Variants in ZFAT observed in about 807,000 individuals in gnomAD.
ZFAT encodes the protein zinc finger and AT-hook domain containing.
A neutral mutation model predicts 117.7 loss-of-function variants in ZFAT; 64 were observed. That is an observed-to-expected ratio of 0.54 (90% CI 0.44 to 0.67). The LOEUF is 0.67. Among genes scored for constraint, ZFAT ranks in the 30% least tolerant of loss-of-function variants. ZFAT has a pLI of 0.00. For missense variants in ZFAT, 1,433 were observed against 1,584.5 expected (o/e 0.90, Z 1.62); for synonymous variants, 679 against 615.0 (o/e 1.10, Z -1.54).
chr8:134,486,114 T>C (rs531444371), intron 15 of ZFAT, among the ~76,000 whole-genome samples: 90 of 152,330 alleles, frequency 5.9e-4, no homozygotes, highest in Admixed American at 1.3e-3. Context: ...TAAAACCCGT[T>C]GGCCCTAAAA....
chr8:134,574,182 T>C (rs1195957150), intron 10 of ZFAT, among the ~76,000 whole-genome samples: 1 of 152,206 alleles, frequency 6.6e-6, no homozygotes, highest in Non-Finnish European at 1.5e-5. Flanking sequence ...GGTACCTGCC[T>C]TGCTGAAGCC....
chr8:134,795,311 C>G, the ZFAT span: 3 of 152,106 alleles, frequency 2.0e-5, no homozygotes, highest in Non-Finnish European at 2.9e-5. Context: ...TCCAGGGACA[C>G]GACAGGGCTT....
the ZFAT span, among the ~76,000 whole-genome samples, chr8:134,791,516 T>C: frequency 6.6e-6 from 1 of 152,216 alleles, no homozygotes; most frequent in African/African-American, 2.4e-5. Flanking sequence ...GATTTCCTTT[T>C]TCTTTTGTGG....
intron 10 of ZFAT, among the ~76,000 whole-genome samples, chr8:134,571,584 C>G (rs1215479948): frequency 6.6e-6 from 1 of 151,996 alleles, no homozygotes; most frequent in Non-Finnish European, 1.5e-5. Flanking sequence ...AGAAACCAGG[C>G]AAAAATAGGT....
the ZFAT span, chr8:134,767,175 C>T: frequency 6.6e-6 from 1 of 152,154 alleles, no homozygotes; most frequent in African/African-American, 2.4e-5. Flanking sequence ...TCAATGTGTG[C>T]TTGAAAAGAA....
intron 1 of ZFAT, among the ~76,000 whole-genome samples, chr8:134,683,725 G>A (rs990602535): frequency 1.3e-5 from 2 of 151,956 alleles, no homozygotes; most frequent in African/African-American, 4.8e-5. Context: ...GACAGGAAAT[G>A]GATGCAAGAA....
upstream of ZFAT, chr8:134,713,093 T>G (rs536727944): frequency 6.9e-6 from 3 of 437,496 alleles, no homozygotes; most frequent in Admixed American, 1.4e-4. Flanking sequence ...CCGCTTCGGG[T>G]GACCCTCCCC....
chr8:134,739,060 A>G, the ZFAT span, among the ~76,000 whole-genome samples: 1 of 152,174 alleles, frequency 6.6e-6, no homozygotes, highest in Non-Finnish European at 1.5e-5. Flanking sequence ...GCTTGAGAGG[A>G]CAGAGCTGAG....
At chr8:134,818,820 C>A in the ZFAT span, among the ~76,000 whole-genome samples, 539 of 152,238 alleles carry the variant, frequency 3.5e-3, 8 homozygotes, top group African/African-American at 0.012. Context: ...CCAAATAATG[C>A]TGGGTGAAAG....
chr8:134,752,374 AC>A, the ZFAT span, among the ~76,000 whole-genome samples: 1 of 151,964 alleles, frequency 6.6e-6, no homozygotes, highest in South Asian at 2.1e-4. Context: ...CTCACATGGC[AC>A]CCCCGCCCTT....
chr8:134,825,953 G>A, the ZFAT span, among the ~76,000 whole-genome samples: 1 of 151,564 alleles, frequency 6.6e-6, no homozygotes, highest in African/African-American at 2.4e-5. Flanking sequence ...CCCGAGAGGC[G>A]GAGCTTGCAG....
At chr8:134,653,494 G>C (rs540606401) in intron 2 of ZFAT, among the ~76,000 whole-genome samples, 1 of 143,288 alleles carries the variant, frequency 7.0e-6, no homozygotes, top group East Asian at 2.1e-4. Flanking sequence ...CAAACTCCTG[G>C]GCTCAAGTGA....
At chr8:134,669,027 T>C (rs1240533332) in intron 1 of ZFAT, among the ~76,000 whole-genome samples, 2 of 151,808 alleles carry the variant, frequency 1.3e-5, no homozygotes, top group East Asian at 1.9e-4. Flanking sequence ...ATGAATGAAA[T>C]GAAGTGAGAA....
intron 5 of ZFAT, among the ~76,000 whole-genome samples, chr8:134,606,347 G>A (rs1827887294): frequency 6.6e-6 from 1 of 152,204 alleles, no homozygotes; most frequent in Non-Finnish European, 1.5e-5. Flanking sequence ...ATGAAGTTAT[G>A]CCTTGTTGCT....
intron 9 of ZFAT, among the ~76,000 whole-genome samples, chr8:134,587,819 C>A (rs1039011067): frequency 5.9e-5 from 9 of 152,214 alleles, no homozygotes; most frequent in African/African-American, 1.9e-4. Context: ...AATGGTAACA[C>A]TCCAAACTGC....
At chr8:134,588,116 T>A in intron 9 of ZFAT, 130 bp downstream of exon 9, 1 of 1,112,282 alleles carries the variant, frequency 9.0e-7, no homozygotes. Flanking sequence ...GATGGACACA[T>A]CTCTCAGTGT....
chr8:134,583,941 A>G lies in ZFAT; in HGVS notation c.2778T>C (p.Ala926=). 3 of 1,591,442 alleles carry G rather than the reference A, an allele frequency of 1.9e-6. No individual in the cohort carries two copies. Among genetic ancestry groups the G allele is most frequent in the Non-Finnish European group, 1.7e-6 (2 of 1,167,640 alleles). The change falls in exon 10 of 16, where the codon GCT becomes GCC. Residue 926 remains alanine (A), a synonymous_variant. Coordinates refer to ENST00000377838, the MANE Select transcript of ZFAT (RefSeq NM_020863.4). ...YATRSKSNLK[A]HMNRHSTEKT... is the part of the protein sequence containing the mutation. ...TCTCAGTGCTGTGACGATTCATATGAGCCTTGAGGTTACTCTTGCTACGAG... is the reference window on the plus strand; with the variant it reads ...TCTCAGTGCTGTGACGATTCATATGGGCCTTGAGGTTACTCTTGCTACGAG...
chr8:134,674,011 G>C (rs1215387522), intron 1 of ZFAT, among the ~76,000 whole-genome samples: 1 of 152,222 alleles, frequency 6.6e-6, no homozygotes, highest in Non-Finnish European at 1.5e-5. Flanking sequence ...TTGGTCTGCA[G>C]CTCCCAGTGA....
chr8:134,538,799 A>C (rs1431522025), intron 11 of ZFAT, among the ~76,000 whole-genome samples: 2 of 144,354 alleles, frequency 1.4e-5, no homozygotes, highest in South Asian at 2.1e-4. Context: ...CCTGTCACAA[A>C]AAAAAAAAAA....
Sources: allele counts gnomAD v4.1 joint callset (sites outside exome capture counted in the v4.1 genomes callset), GRCh38; gene constraint gnomAD v4.1.1; transcripts MANE v1.5; gene names NCBI Gene and HGNC (gene_info 2026-07-23, HGNC 2026-07-21).